The following RPS15 variants were observed in gnomAD, a reference collection of about 807,000 sequenced individuals.
The protein encoded by RPS15 is small ribosomal subunit protein uS19.
In RPS15, 5 loss-of-function variants were observed where a neutral mutation model predicts 14.9. The observed-to-expected ratio is 0.34, with a 90% CI of 0.18 to 0.70. The LOEUF is 0.70. RPS15 is among the 30% of genes least tolerant of loss of function. The probability of loss-of-function intolerance (pLI) is 0.65; values close to 1 mark genes in which losing one functional copy is unlikely to be tolerated. For synonymous variants in RPS15, 103 were observed against 85.0 expected (o/e 1.21, Z -1.16); for missense variants, 102 against 204.2 (o/e 0.50, Z 3.05).
intron 2 of RPS15, chr19:1,439,786 C>A: frequency 1.6e-6 from 1 of 622,346 alleles, no homozygotes; most frequent in South Asian, 1.8e-5. Context: ...CTTGTTCTCT[C>A]TGAATCTCTG....
intron 3 of RPS15, 46 bp from the exon 4 acceptor site, chr19:1,440,303 C>T (rs760172624): frequency 1.2e-6 from 2 of 1,607,870 alleles, no homozygotes; most frequent in African/African-American, 1.3e-5. Flanking sequence ...TCGCCTGATG[C>T]AGGCGGGATC....
intron 2 of RPS15, chr19:1,439,662 T>A: frequency 1.8e-6 from 1 of 560,122 alleles, no homozygotes; most frequent in Non-Finnish European, 3.2e-6. Flanking sequence ...CCCGAAGTGC[T>A]GGGATCACAG....
At position 1,438,743 on chromosome 19, in the gene RPS15, G is replaced by C. The variant is rs1450325049; in HGVS notation, c.4-64G>C. On this transcript the variant is annotated intron_variant, in intron 1 of 3. Coordinates refer to ENST00000592588, the MANE Select transcript of RPS15 (RefSeq NM_001018.5). This position sits in a 1 kb window ranked among gnomAD's most constrained non-coding sequence, Gnocchi z 4.8. ...GCCGCGCGTCTTCCGCGGTGTCCTC[G>C]GGCCCGGTGGCCCCGGGAGATGGGT... 8 of 1,543,314 alleles carry C rather than the reference G, an allele frequency of 5.2e-6. No individual in the cohort carries two copies. In the Admixed American group the frequency reaches 1.2e-4, roughly 22 times the overall value.
intron 2 of RPS15, 191 bp from the exon 3 acceptor site, chr19:1,439,828 T>C (rs937061188): frequency 1.1e-5 from 7 of 636,636 alleles, no homozygotes; most frequent in Admixed American, 7.1e-5. Context: ...ATGTGAGGGG[T>C]GAGTCGCGCA....
rs1426388539 is a variant in RPS15, at chr19:1,438,411, T to C, written c.-15T>C. 7.4e-6 allele frequency: 12 copies of C among 1,613,324 alleles called. No individual in the cohort carries two copies. In the African/African-American group the frequency reaches 1.1e-4, roughly 14 times the overall value. On this transcript the variant is annotated 5_prime_UTR_variant, in exon 1 of 4. Coordinates refer to ENST00000592588, the MANE Select transcript of RPS15 (RefSeq NM_001018.5). This position sits in a 1 kb window ranked among gnomAD's most constrained non-coding sequence, Gnocchi z 4.8. ...AGGCGCGGACCAAAGCGATCTCTTC[T>C]GAGGATCCGGCAAGATGGTGAGTGT...
At chr19:1,439,164 AG>A (rs778516776) in intron 2 of RPS15, 1 of 467,290 alleles carries the variant, frequency 2.1e-6, no homozygotes, top group Non-Finnish European at 3.8e-6. Context: ...ACTTAGAATA[AG>A]GGGCTGCGTT....
chr19:1,439,126 G>A lies in RPS15; in HGVS notation c.89+234G>A, dbSNP rs1039328851. 63 of 531,956 alleles carry A rather than the reference G, an allele frequency of 1.2e-4. No individual in the cohort carries two copies. In the African/African-American group the frequency reaches 1.2e-3, roughly 10 times the overall value. The allele number at this position is 531,956 out of a possible 1,614,324, so 33.0% of individuals were successfully genotyped here. ...TCACTTTTCCGCGGCTTAGTTGGAA[G>A]GTGTAGCCCCTGTCTGTAGCCCACG... On this transcript the variant is annotated intron_variant, in intron 2 of 3. Transcript: ENST00000592588.
At chr19:1,439,552 C>G (rs975112389) in intron 2 of RPS15, 6 of 296,506 alleles carry the variant, frequency 2.0e-5, no homozygotes, top group Admixed American at 1.4e-4. Context: ...GAACACCGCG[C>G]CCGACCTTGA....
At position 1,440,069 on chromosome 19, in the gene RPS15, G is replaced by A. The variant is rs201657403; in HGVS notation, c.140G>A (p.Arg47Gln). ...GCGCGCCAGCGGCGGCGGCTGAACC[G>A]GGGCCTGCGGCGGAAGCAGCACTCC... ...YSARQRRRLN[R>Q]GLRRKQHSLL... is the part of the protein sequence containing the mutation. The change falls in exon 3 of 4, where the codon CGG becomes CAG. Residue 47 changes from arginine to glutamine, a missense_variant. Around this residue, in one of 2 missense-constraint regions of RPS15, gnomAD observed 70 missense variants for 96.8 expected, o/e 0.72. Coordinates refer to ENST00000592588, the MANE Select transcript of RPS15 (RefSeq NM_001018.5). 1.6e-5 allele frequency: 23 copies of A among 1,425,242 alleles called. No individual in the cohort carries two copies. The highest frequency in any genetic ancestry group is 4.1e-5 in the Admixed American group (2 of 49,116). 88.3% of individuals were successfully genotyped at this position (1,425,242 alleles called of 1,614,324 possible).
chr19:1,439,870 T>A, intron 2 of RPS15, 149 bp from the exon 3 acceptor site: 1 of 717,302 alleles, frequency 1.4e-6, no homozygotes, highest in Non-Finnish European at 2.5e-6. Flanking sequence ...GGACTTGGCG[T>A]GTTCATTGTA....
In RPS15 at chr19:1,438,447, C is replaced by T. The variant is rs369933692; in HGVS notation, c.3+19C>T. 1.0e-4 allele frequency: 164 copies of T among 1,613,344 alleles called. 2 individuals carry two copies. In the South Asian group the frequency reaches 1.4e-3, roughly 14 times the overall value. On this transcript the variant is annotated intron_variant, in intron 1 of 3. Transcript: ENST00000592588. The surrounding 1 kb of genome is among the most constrained non-coding windows in gnomAD (Gnocchi z 4.8). ...CAAGATGGTGAGTGTTGCGATTTGG[C>T]GCGTCTCTGCCGGGCCTATCCGGCT...
intron 2 of RPS15, 122 bp downstream of exon 2, chr19:1,439,014 G>T: frequency 3.7e-6 from 3 of 817,652 alleles, no homozygotes; most frequent in Middle Eastern, 7.4e-4. Flanking sequence ...GTCTCCGCGC[G>T]GGTTTGGAAC....
Position 1,438,761 on chromosome 19 carries a change from A to C in RPS15, c.4-46A>C, listed in dbSNP as rs1255540919. On this transcript the variant is annotated intron_variant, in intron 1 of 3. Transcript: ENST00000592588. This position sits in a 1 kb window ranked among gnomAD's most constrained non-coding sequence, Gnocchi z 4.8. ...TGTCCTCGGGCCCGGTGGCCCCGGG[A>C]GATGGGTGTCGGGATCCCGCTGACG... 5.1e-6 allele frequency: 8 copies of C among 1,559,148 alleles called. No individual in the cohort carries two copies. Among genetic ancestry groups the C allele is most frequent in the Non-Finnish European group, 6.9e-6 (8 of 1,151,656 alleles).
Position 1,440,310 on chromosome 19 carries a change from G to C in RPS15, c.325-39G>C, listed in dbSNP as rs761547420. Reference sequence around the variant, plus strand: ...GGCTGGGGTCGCCTGATGCAGGCGGGATCAGCTGACACCCAGCTTTGCTCT... The same window carrying C: ...GGCTGGGGTCGCCTGATGCAGGCGGCATCAGCTGACACCCAGCTTTGCTCT... On this transcript the variant is annotated intron_variant, in intron 3 of 3. Coordinates refer to ENST00000592588, the MANE Select transcript of RPS15 (RefSeq NM_001018.5). 4.3e-6 allele frequency: 7 copies of C among 1,609,366 alleles called. No homozygotes were observed. In the African/African-American group the frequency reaches 8.0e-5, roughly 18 times the overall value.
In RPS15 at chr19:1,440,095, C is replaced by T. The variant is rs775892458; in HGVS notation, c.166C>T (p.Leu56=). ...GGGCCTGCGGCGGAAGCAGCACTCC[C>T]TGCTGAAGCGCCTGCGCAAGGCCAA... The part of the protein sequence containing the change: ...NRGLRRKQHS[L]LKRLRKAKKE... Residue 56 remains leucine (L), a synonymous_variant, in exon 3 of 4, where the codon CTG becomes TTG. Coordinates refer to ENST00000592588, the MANE Select transcript of RPS15 (RefSeq NM_001018.5). The T allele has an allele frequency of 6.3e-7, 1 of 1,586,250 alleles. No individual in the cohort carries two copies.
At position 1,440,450 on chromosome 19, in the gene RPS15, C is replaced by T. The variant is rs1002867968; in HGVS notation, c.426C>T (p.Ile142=). Residue 142 remains isoleucine (I), a synonymous_variant, in exon 4 of 4, where the codon ATC becomes ATT. Coordinates refer to ENST00000592588, the MANE Select transcript of RPS15 (RefSeq NM_001018.5). The part of the protein sequence containing the change: ...GIGATHSSRF[I]PLK The stretch of plus-strand genomic sequence containing the variant: ...GGGCCACCCACTCCTCCCGCTTCAT[C>T]CCTCTCAAGTAATGGCTCAGCTAAT... 10 of 1,612,338 alleles carry T rather than the reference C, an allele frequency of 6.2e-6. No individual in the cohort carries two copies. The highest frequency in any genetic ancestry group is 8.5e-6 in the Non-Finnish European group (10 of 1,178,498).
At chr19:1,439,934 C>G in intron 2 of RPS15, 85 bp from the exon 3 acceptor site, 2 of 1,135,824 alleles carry the variant, frequency 1.8e-6, no homozygotes, top group Non-Finnish European at 2.6e-6. Flanking sequence ...TGGAGAGAAC[C>G]AAGCCTTAGT....
In RPS15 at chr19:1,438,960, G is replaced by A. The variant is rs1453760605; in HGVS notation, c.89+68G>A. 2 of 1,395,078 alleles carry A rather than the reference G, an allele frequency of 1.4e-6. No homozygotes were observed. Among genetic ancestry groups the A allele is most frequent in the Non-Finnish European group, 2.0e-6 (2 of 1,011,916 alleles). 86.4% of individuals were successfully genotyped at this position (1,395,078 alleles called of 1,614,324 possible). On this transcript the variant is annotated intron_variant, in intron 2 of 3. Coordinates refer to ENST00000592588, the MANE Select transcript of RPS15 (RefSeq NM_001018.5). The surrounding 1 kb of genome is among the most constrained non-coding windows in gnomAD (Gnocchi z 4.8). Reference sequence around the variant, plus strand: ...GGTGGGGCTTGTCCGGGTGAGGGCGGCGGGGCGGGGGTCCAAGCGCCTCTG... The same window carrying A: ...GGTGGGGCTTGTCCGGGTGAGGGCGACGGGGCGGGGGTCCAAGCGCCTCTG...
In RPS15 at chr19:1,438,556, G is replaced by A; in HGVS notation, c.3+128G>A. The A allele has an allele frequency of 6.3e-7, 1 of 1,577,268 alleles. No homozygotes were observed. The highest frequency in any genetic ancestry group is 1.4e-5 in the African/African-American group (1 of 73,900). On this transcript the variant is annotated intron_variant, in intron 1 of 3. Coordinates refer to ENST00000592588, the MANE Select transcript of RPS15 (RefSeq NM_001018.5). The surrounding 1 kb of genome is among the most constrained non-coding windows in gnomAD (Gnocchi z 4.8). The stretch of plus-strand genomic sequence containing the variant: ...TTGCTCCCGACCCTGCAGGCGGCTG[G>A]ATGTTGGGGCGAGGGGCGGACTTGG...
Sources: allele counts gnomAD v4.1 joint callset, GRCh38; gene constraint gnomAD v4.1.1; regional missense constraint gnomAD v4.1.1; non-coding constraint Gnocchi (gnomAD v3.1); transcripts MANE v1.5; gene names NCBI Gene and HGNC (gene_info 2026-07-23, HGNC 2026-07-21).